The following PHTF2 variants were observed in gnomAD, a reference collection of about 807,000 sequenced individuals.
PHTF2 encodes the protein protein PHTF2.
A neutral mutation model predicts 101.2 loss-of-function variants in PHTF2; 60 were observed. The ratio of observed to expected loss-of-function variants is 0.59; its 90% CI spans 0.48 to 0.73. The LOEUF is 0.73. PHTF2 is among the 30% of genes least tolerant of loss of function. PHTF2 has a pLI of 0.00. For synonymous variants in PHTF2, 311 were observed against 307.3 expected, an observed-to-expected ratio of 1.01 and a Z score of -0.13; for missense variants, 747 against 908.7, an observed-to-expected ratio of 0.82 and a Z score of 2.29.
At chr7:77,832,624 G>C (rs1246153602) in intron 1 of PHTF2, among the ~76,000 whole-genome samples, 1 of 151,966 alleles carries the variant, frequency 6.6e-6, no homozygotes, top group Admixed American at 6.6e-5. Context: ...TGTGAAGCAG[G>C]GTTTTCTGTA....
At position 77,893,972 on chromosome 7, in the gene PHTF2, C is replaced by T. The variant is rs1800669560; in HGVS notation, c.205-10C>T. ...TTTCTCCCTTTTGATGCTGTCATTGCTCTGTACAGTTTATTAAACTGGTAA... is the reference window on the plus strand; with the variant it reads ...TTTCTCCCTTTTGATGCTGTCATTGTTCTGTACAGTTTATTAAACTGGTAA... On this transcript the variant is annotated splice_polypyrimidine_tract_variant and intron_variant, in intron 4 of 19. Coordinates refer to ENST00000416283, the Ensembl canonical transcript of PHTF2. The T allele has an allele frequency of 1.9e-6, 3 of 1,594,962 alleles. No homozygotes were observed. The highest frequency in any genetic ancestry group is 2.6e-6 in the Non-Finnish European group (3 of 1,162,830).
In PHTF2 at chr7:77,922,620, TAGG is replaced by T. The variant is rs1803580034; in HGVS notation, c.964-1_965del. 7 of 1,603,888 alleles carry T rather than the reference TAGG, an allele frequency of 4.4e-6. No homozygotes were observed. Among genetic ancestry groups the T allele is most frequent in the Non-Finnish European group, 6.0e-6 (7 of 1,173,680 alleles). ...TAATCCTCTTTGTGTACTCCCAACT[TAGG>T]ATACCCAAAGGACAATAACAAATGT... is the stretch of plus-strand genomic sequence containing the variant. On this transcript the variant is annotated splice_acceptor_variant and coding_sequence_variant, in exon 11 of 20. Coordinates refer to ENST00000416283, the Ensembl canonical transcript of PHTF2. LOFTEE classifies it high-confidence loss of function.
intron 1 of PHTF2, among the ~76,000 whole-genome samples, chr7:77,810,462 C>T (rs1793347774): frequency 6.6e-6 from 1 of 152,210 alleles, no homozygotes; most frequent in South Asian, 2.1e-4. Flanking sequence ...CACAGAAACA[C>T]TTGAACCTAT....
chr7:77,912,772 G>A (rs112151820), intron 9 of PHTF2, among the ~76,000 whole-genome samples: 178 of 111,048 alleles, frequency 1.6e-3, no homozygotes, highest in Middle Eastern at 9.4e-3. Context: ...CACTGCTGTA[G>A]TCCTTGGTGG....
intron 14 of PHTF2, 31 bp from the exon 14 acceptor site, chr7:77,940,497 G>A (rs979438197): frequency 3.1e-5 from 47 of 1,540,748 alleles, no homozygotes; most frequent in Non-Finnish European, 3.4e-5. Flanking sequence ...TAATCTACTT[G>A]AAAATTAATC....
intron 2 of PHTF2, among the ~76,000 whole-genome samples, chr7:77,849,283 C>T (rs1796550154): frequency 6.6e-6 from 1 of 151,398 alleles, no homozygotes; most frequent in Admixed American, 6.6e-5. Context: ...GCCACCATGC[C>T]TGGCTAATTT....
At chr7:77,799,708 C>G (rs1296158727) in intron 1 of PHTF2, among the ~76,000 whole-genome samples, 1 of 152,206 alleles carries the variant, frequency 6.6e-6, no homozygotes, top group African/African-American at 2.4e-5. Flanking sequence ...TGTGTAACTT[C>G]AGGGATCATT....
chr7:77,874,040 A>G (rs1188846710), intron 3 of PHTF2, among the ~76,000 whole-genome samples: 32 of 152,178 alleles, frequency 2.1e-4, no homozygotes. Context: ...CACTTTGTCC[A>G]CTGAACTTAG....
intron 9 of PHTF2, among the ~76,000 whole-genome samples, chr7:77,918,499 T>G (rs1803145999): frequency 6.6e-6 from 1 of 152,206 alleles, no homozygotes; most frequent in Non-Finnish European, 1.5e-5. Context: ...TAAATACCTT[T>G]CCAGTACATT....
chr7:77,935,839 C>T (rs1204947965), intron 12 of PHTF2, among the ~76,000 whole-genome samples: 1 of 152,138 alleles, frequency 6.6e-6, no homozygotes, highest in Non-Finnish European at 1.5e-5. Context: ...AAACTTCTTT[C>T]CTTTTAGCTT....
At chr7:77,922,485 A>G (rs915931069) in intron 10 of PHTF2, 138 bp from the exon 10 acceptor site, 7 of 534,658 alleles carry the variant, frequency 1.3e-5, no homozygotes, top group African/African-American at 3.8e-5. Context: ...AGGTAATACT[A>G]ATTAGTTACT....
At chr7:77,849,466 G>A (rs1354064428) in intron 2 of PHTF2, among the ~76,000 whole-genome samples, 5 of 152,076 alleles carry the variant, frequency 3.3e-5, no homozygotes, top group Non-Finnish European at 5.9e-5. Context: ...TAATAGCTCT[G>A]TAGTATAATT....
At chr7:77,922,824 T>C in intron 11 of PHTF2, 46 bp downstream of exon 10, 1 of 1,323,872 alleles carries the variant, frequency 7.6e-7, no homozygotes, top group East Asian at 2.6e-5. Flanking sequence ...CTATTTTATA[T>C]GTTACTAATT....
chr7:77,838,528 G>C (rs909208353), intron 1 of PHTF2, among the ~76,000 whole-genome samples: 1 of 152,132 alleles, frequency 6.6e-6, no homozygotes, highest in African/African-American at 2.4e-5. Flanking sequence ...TTTTTTATAT[G>C]AAAATTGATG....
At chr7:77,833,684 G>A (rs757564983) in intron 1 of PHTF2, among the ~76,000 whole-genome samples, 12 of 152,126 alleles carry the variant, frequency 7.9e-5, no homozygotes, top group African/African-American at 2.9e-4. Flanking sequence ...ATGAGGATAT[G>A]TTATGTGCCC....
In PHTF2 at chr7:77,929,803, G is replaced by T. The variant is rs926142162; in HGVS notation, c.1338+476G>T. Among the ~76,000 whole-genome samples, 11 of 152,034 alleles carry T rather than the reference G, an allele frequency of 7.2e-5. No homozygotes were observed. The East Asian group carries it at 2.1e-3, about 29-fold the overall frequency. ...TTTTTTAAAGGGGAAATTCAAATAT[G>T]TTTTATTTAGACCATTATATTCATA... On this transcript the variant is annotated intron_variant, in intron 12 of 19. Transcript: ENST00000416283.
exon 20 of PHTF2, chr7:77,955,685 A>G (rs1806951612): frequency 6.6e-6 from 1 of 152,580 alleles, no homozygotes; most frequent in Admixed American, 6.5e-5. Context: ...TGAGTGAGGT[A>G]TATACTCATC....
At chr7:77,927,195 T>TATACACACACACAC (rs1554388751) in intron 11 of PHTF2, among the ~76,000 whole-genome samples, 11 of 78,536 alleles carry the variant, frequency 1.4e-4, no homozygotes, top group African/African-American at 3.7e-4. Flanking sequence ...TATATATATA[T>TATACACACACACAC]ACATACACAC....
chr7:77,949,833 G>C, exon 17 of PHTF2: 1 of 1,436,478 alleles, frequency 7.0e-7, no homozygotes, highest in Non-Finnish European at 9.5e-7. Flanking sequence ...TTACTGAACA[G>C]GTGAGTGTGC....
Sources: allele counts gnomAD v4.1 joint callset (sites outside exome capture counted in the v4.1 genomes callset), GRCh38; gene constraint gnomAD v4.1.1; transcripts MANE v1.5; gene names NCBI Gene and HGNC (gene_info 2026-07-23, HGNC 2026-07-21).